Variants in HPCAL1 observed in about 807,000 individuals in gnomAD.
HPCAL1 encodes hippocalcin like 1, also known as hippocalcin-like protein 1.
In HPCAL1, 8 loss-of-function variants were observed where a neutral mutation model predicts 17.1. The ratio of observed to expected loss-of-function variants is 0.47; its 90% confidence interval spans 0.27 to 0.84. The LOEUF (loss-of-function observed/expected upper bound fraction) is 0.84, where lower values mean the gene tolerates loss of function less well. Among genes scored for constraint, HPCAL1 ranks in the 40% least tolerant of loss-of-function variants. The pLI is 0.13. For synonymous variants in HPCAL1, 112 were observed against 111.4 expected, an observed-to-expected ratio of 1.01 and a Z score of -0.03; for missense variants, 165 against 271.1, an observed-to-expected ratio of 0.61 and a Z score of 2.75.
intron 1 of HPCAL1, among the ~76,000 whole-genome samples, chr2:10,337,048 C>T (rs1052154734): frequency 5.3e-5 from 8 of 152,254 alleles, no homozygotes; most frequent in East Asian, 1.9e-4. Context: ...CCACTGGACC[C>T]GGCAGGAACA....
intron 2 of HPCAL1, among the ~76,000 whole-genome samples, chr2:10,397,276 C>CA (rs1669115119): frequency 6.6e-6 from 1 of 152,126 alleles, no homozygotes; most frequent in African/African-American, 2.4e-5. Flanking sequence ...TGGGTGAGGG[C>CA]AAGGAGGGCA....
chr2:10,399,478 C>T (rs1166610963), intron 2 of HPCAL1, among the ~76,000 whole-genome samples: 4 of 110,578 alleles, frequency 3.6e-5, no homozygotes, highest in Admixed American at 1.7e-4. Flanking sequence ...ACCATCATCA[C>T]CACCATCACC....
intron 1 of HPCAL1, among the ~76,000 whole-genome samples, chr2:10,358,757 C>T (rs1666344185): frequency 1.3e-5 from 2 of 152,252 alleles, no homozygotes; most frequent in Middle Eastern, 3.4e-3. Flanking sequence ...TTCTGGCTCC[C>T]CCATCTGCTG....
intron 4 of HPCAL1, 59 bp from the exon 5 acceptor site, chr2:10,426,665 T>C: frequency 2.2e-6 from 3 of 1,373,266 alleles, no homozygotes; most frequent in Non-Finnish European, 3.1e-6. Context: ...CCCCATCCTC[T>C]CTGGAAGCAT....
chr2:10,400,643 G>A (rs1273204382), intron 2 of HPCAL1, among the ~76,000 whole-genome samples: 1 of 152,162 alleles, frequency 6.6e-6, no homozygotes, highest in Non-Finnish European at 1.5e-5. Context: ...AGGGTGACTT[G>A]GGATGACTTG....
intron 1 of HPCAL1, among the ~76,000 whole-genome samples, chr2:10,337,491 A>T (rs1664789896): frequency 6.6e-6 from 1 of 152,152 alleles, no homozygotes. Context: ...GCCCACCGTG[A>T]CTATAACAGC....
At chr2:10,424,661 G>T (rs2148048384) in intron 4 of HPCAL1, 2 of 469,878 alleles carry the variant, frequency 4.3e-6, no homozygotes, top group South Asian at 3.1e-5. Context: ...GTGCCTGCTG[G>T]GATGGAGCAC....
intron 2 of HPCAL1, among the ~76,000 whole-genome samples, chr2:10,417,096 C>G (rs1670720040): frequency 6.6e-6 from 1 of 151,830 alleles, no homozygotes; most frequent in South Asian, 2.1e-4. Flanking sequence ...GGCACAGTGG[C>G]TCACACCTGT....
intron 1 of HPCAL1, among the ~76,000 whole-genome samples, chr2:10,371,922 G>A (rs1191675299): frequency 3.9e-5 from 6 of 152,224 alleles, no homozygotes; most frequent in Non-Finnish European, 8.8e-5. Flanking sequence ...CCTTAAGCCA[G>A]CGGGCCCAAC....
intron 2 of HPCAL1, among the ~76,000 whole-genome samples, chr2:10,410,451 T>TA (rs1414732766): frequency 6.9e-6 from 1 of 145,228 alleles, no homozygotes; most frequent in Non-Finnish European, 1.5e-5. Context: ...TTTTTTTTTT[T>TA]TTTTTTTTTT....
Position 10,318,361 on chromosome 2 carries a change from T to C in HPCAL1, c.-111+15184T>C, listed in dbSNP as rs1326698668. ...TGCAGAAGTTACGTCTTTGCAGTTA[T>C]TTCAGGAGAAAAAGGCGGCCACTCT... is the stretch of plus-strand genomic sequence containing the variant. On this transcript the variant is annotated intron_variant, in intron 1 of 4. Transcript: ENST00000307845. 2.0e-5 allele frequency among the ~76,000 whole-genome samples: 3 copies of C among 151,276 alleles called. No individual in the cohort carries two copies. In the South Asian group the frequency reaches 6.3e-4, roughly 32 times the overall value.
intron 2 of HPCAL1, among the ~76,000 whole-genome samples, chr2:10,418,245 C>A (rs1446495207): frequency 6.6e-6 from 1 of 150,482 alleles, no homozygotes; most frequent in Non-Finnish European, 1.5e-5. Context: ...AGTGTGAAAC[C>A]CTGTCTCTAC....
At position 10,362,856 on chromosome 2, in the gene HPCAL1, G is replaced by A. The variant is rs887981; in HGVS notation, c.-110-33979G>A. The stretch of plus-strand genomic sequence containing the variant: ...ACAGCTGTGGCCTGTGTTAGAGAGG[G>A]TGAGTTTGGACCATTCCTGAGCAGA... On this transcript the variant is annotated intron_variant, in intron 1 of 4. Coordinates refer to ENST00000307845, the MANE Select transcript of HPCAL1 (RefSeq NM_002149.4). The surrounding 1 kb of genome is among the most constrained non-coding windows in gnomAD (Gnocchi z 5.0). Among the ~76,000 whole-genome samples the A allele has an allele frequency of 0.35, 53,279 of 152,090 alleles. 11,227 individuals carry two copies. Among genetic ancestry groups the A allele is most frequent in the African/African-American group, 0.58 (24,223 of 41,476 alleles).
At chr2:10,404,657 C>T (rs184386214) in intron 2 of HPCAL1, among the ~76,000 whole-genome samples, 69 of 152,312 alleles carry the variant, frequency 4.5e-4, no homozygotes, top group South Asian at 8.3e-4. Context: ...GCCCCAGGGT[C>T]GGGCAGTTCT....
At chr2:10,402,451 G>A (rs1180849181) in intron 2 of HPCAL1, among the ~76,000 whole-genome samples, 3 of 152,186 alleles carry the variant, frequency 2.0e-5, no homozygotes, top group Middle Eastern at 3.2e-3. Context: ...AGATGGCAAA[G>A]AGTGGCTTTT....
At chr2:10,313,266 C>T (rs1057447307) in intron 1 of HPCAL1, among the ~76,000 whole-genome samples, 1 of 152,202 alleles carries the variant, frequency 6.6e-6, no homozygotes, top group African/African-American at 2.4e-5. Flanking sequence ...GGAGCCTGAC[C>T]TTACTGCTTG....
intron 1 of HPCAL1, among the ~76,000 whole-genome samples, chr2:10,352,386 C>T (rs919443868): frequency 1.3e-5 from 2 of 152,184 alleles, no homozygotes; most frequent in Admixed American, 1.3e-4. Flanking sequence ...AGAGAGAAGA[C>T]ACCTTGATTC....
chr2:10,333,078 C>G (rs1664488802), intron 1 of HPCAL1, among the ~76,000 whole-genome samples: 1 of 151,282 alleles, frequency 6.6e-6, no homozygotes, highest in South Asian at 2.1e-4. Context: ...CCCATGACGC[C>G]TGGACGCTGC....
intron 1 of HPCAL1, among the ~76,000 whole-genome samples, chr2:10,357,781 TAAC>T (rs1227758625): frequency 2.0e-5 from 3 of 150,242 alleles, no homozygotes; most frequent in Non-Finnish European, 1.5e-5. Flanking sequence ...TCCCCGACTG[TAAC>T]AACAACAAAA....
Sources: allele counts gnomAD v4.1 joint callset (sites outside exome capture counted in the v4.1 genomes callset), GRCh38; gene constraint gnomAD v4.1.1; non-coding constraint Gnocchi (gnomAD v3.1); transcripts MANE v1.5; gene names NCBI Gene and HGNC (gene_info 2026-07-23, HGNC 2026-07-21).